Variants in CMTM4 observed in about 807,000 individuals in gnomAD.
CMTM4 encodes CKLF like MARVEL transmembrane domain containing 4, also known as CKLF-like MARVEL transmembrane domain-containing protein 4.
In CMTM4, 8 loss-of-function variants were observed where a neutral mutation model predicts 19.0. The observed-to-expected ratio is 0.42, with a 90% CI of 0.25 to 0.76. The LOEUF is 0.76. CMTM4 is among the 30% of genes least tolerant of loss of function. The probability of loss-of-function intolerance (pLI) is 0.27; values close to 1 mark genes in which losing one functional copy is unlikely to be tolerated. For missense variants in CMTM4, 228 were observed against 290.2 expected (o/e 0.79, Z 1.56); for synonymous variants, 106 against 121.1 (o/e 0.88, Z 0.82).
intron 2 of CMTM4, among the ~76,000 whole-genome samples, chr16:66,625,390 C>G (rs1368467655): frequency 2.0e-5 from 3 of 150,444 alleles, no homozygotes; most frequent in Non-Finnish European, 1.5e-5. Flanking sequence ...GCCAAGACTG[C>G]GCCGCTGCAC....
In CMTM4 at chr16:66,620,552, A is replaced by C; in HGVS notation, c.*1506T>G. 1.0e-6 allele frequency: 1 copy of C among 985,536 alleles called. No individual in the cohort carries two copies. The highest frequency in any genetic ancestry group is 1.2e-6 in the Non-Finnish European group (1 of 830,022). The allele number at this position is 985,536 out of a possible 1,614,324, so 61.0% of individuals were successfully genotyped here. On this transcript the variant is annotated 3_prime_UTR_variant, in exon 4 of 4. Coordinates refer to ENST00000394106, the MANE Select transcript of CMTM4 (RefSeq NM_181521.3). ...CTGGGGAATGAGACGCCACATGTCC[A>C]TAAGGTGACGCTTTCTTGCACAGAC...
At chr16:66,647,072 T>C (rs1219618287) in intron 1 of CMTM4, among the ~76,000 whole-genome samples, 31 of 149,150 alleles carry the variant, frequency 2.1e-4, no homozygotes, top group Admixed American at 2.0e-3. Context: ...TCCCAACACT[T>C]TGGGAGGCCG....
Position 66,621,037 on chromosome 16 carries a change from T to C in CMTM4, c.*1021A>G. The stretch of plus-strand genomic sequence containing the variant: ...TCTGAAACATGGGTGGAAGGGTGTG[T>C]TCTGGTGCAAATTCAAGTATTTTCA... On this transcript the variant is annotated 3_prime_UTR_variant, in exon 4 of 4. Transcript: ENST00000394106. 1 of 985,906 alleles carries C rather than the reference T, an allele frequency of 1.0e-6. No individual in the cohort carries two copies. 61.1% of individuals were successfully genotyped at this position (985,906 alleles called of 1,614,324 possible).
intron 1 of CMTM4, among the ~76,000 whole-genome samples, chr16:66,655,360 A>T (rs1028447959): frequency 6.6e-6 from 1 of 152,118 alleles, no homozygotes; most frequent in African/African-American, 2.4e-5. Flanking sequence ...AAGTACCCAG[A>T]TTGAGGTCTC....
chr16:66,689,481 G>A (rs553699063), intron 1 of CMTM4, among the ~76,000 whole-genome samples: 4 of 152,162 alleles, frequency 2.6e-5, no homozygotes, highest in African/African-American at 9.6e-5. Flanking sequence ...GCACGATCGC[G>A]GCTCACCGCA....
chr16:66,600,878 TAAG>T, the CMTM4 span, among the ~76,000 whole-genome samples: 2 of 151,932 alleles, frequency 1.3e-5, no homozygotes, highest in Admixed American at 6.6e-5. Flanking sequence ...CACTGAAGAA[TAAG>T]GAGGAGTTAA....
rs757018322 is a variant in CMTM4, at chr16:66,622,594, C to G, written c.463-372G>C. Among the ~76,000 whole-genome samples the G allele has an allele frequency of 6.6e-6, 1 of 152,208 alleles. No individual in the cohort carries two copies. The highest frequency in any genetic ancestry group is 2.4e-5 in the African/African-American group (1 of 41,442). ...AAAAAAATAAATCACAAAAGTACCT[C>G]TTTTACTGCAACTTCAGGGCCTCTG... On this transcript the variant is annotated intron_variant, in intron 3 of 3. Coordinates refer to ENST00000394106, the MANE Select transcript of CMTM4 (RefSeq NM_181521.3). The surrounding 1 kb of genome is among the most constrained non-coding windows in gnomAD (Gnocchi z 4.0).
At chr16:66,607,464 A>C in the CMTM4 span, among the ~76,000 whole-genome samples, 1 of 152,158 alleles carries the variant, frequency 6.6e-6, no homozygotes, top group Non-Finnish European at 1.5e-5. Flanking sequence ...ACTCCAAAAG[A>C]TTTTTTTGCT....
chr16:66,633,081 G>C (rs926974206), intron 2 of CMTM4, among the ~76,000 whole-genome samples: 1 of 115,238 alleles, frequency 8.7e-6, no homozygotes, highest in Non-Finnish European at 1.6e-5. Context: ...GCGAAACTCC[G>C]TTTCAAAATA....
intron 1 of CMTM4, among the ~76,000 whole-genome samples, chr16:66,661,657 C>A (rs747567727): frequency 3.9e-5 from 6 of 152,132 alleles, no homozygotes; most frequent in African/African-American, 1.4e-4. Flanking sequence ...AGGCCGGGCA[C>A]GGTGGCTCAC....
intron 1 of CMTM4, among the ~76,000 whole-genome samples, chr16:66,655,031 T>C (rs979000198): frequency 6.6e-6 from 1 of 152,196 alleles, no homozygotes; most frequent in Non-Finnish European, 1.5e-5. Context: ...AGTCTCACTC[T>C]GTCACCCAGG....
intron 1 of CMTM4, among the ~76,000 whole-genome samples, chr16:66,638,718 A>C (rs1266420349): frequency 6.6e-6 from 1 of 151,866 alleles, no homozygotes; most frequent in Non-Finnish European, 1.5e-5. Context: ...AATTAGATGG[A>C]CATGGTGGTG....
rs34660969 is a variant in CMTM4, at chr16:66,620,102, CT to C, written c.*1955del. ...TTTTCAATCTCACTTCAAAGATGGC[CT>C]TTTTTGGGGGCCAAGTAACATGATT... On this transcript the variant is annotated 3_prime_UTR_variant, in exon 4 of 4. Transcript: ENST00000394106. 11 of 985,270 alleles carry C rather than the reference CT, an allele frequency of 1.1e-5. No homozygotes were observed. In the African/African-American group the frequency reaches 1.9e-4, roughly 17 times the overall value. 61.0% of individuals were successfully genotyped at this position (985,270 alleles called of 1,614,324 possible). A position where few individuals can be genotyped will look rare whatever the true frequency, so the allele number is the denominator to read the frequency against.
chr16:66,653,725 G>T (rs2144845538), intron 1 of CMTM4, among the ~76,000 whole-genome samples: 1 of 152,202 alleles, frequency 6.6e-6, no homozygotes, highest in South Asian at 2.1e-4. Flanking sequence ...TAGAAACATG[G>T]TTGGTTGGGT....
chr16:66,676,660 C>T (rs953494893), intron 1 of CMTM4, among the ~76,000 whole-genome samples: 6 of 152,200 alleles, frequency 3.9e-5, no homozygotes, highest in Admixed American at 1.3e-4. Context: ...CATGTATTCA[C>T]CTTCAACATG....
chr16:66,637,767 G>A (rs931150484), intron 1 of CMTM4, among the ~76,000 whole-genome samples: 9 of 152,274 alleles, frequency 5.9e-5, no homozygotes, highest in Admixed American at 3.3e-4. Flanking sequence ...TCAGGCTCCC[G>A]CTCCGCCCAG....
rs753182787 is a variant in CMTM4 at position 66,696,326 on chromosome 16, C to A, written c.186+14G>T. On this transcript the variant is annotated intron_variant, in intron 1 of 3. Coordinates refer to ENST00000394106, the MANE Select transcript of CMTM4 (RefSeq NM_181521.3). This position sits in a 1 kb window ranked among gnomAD's most constrained non-coding sequence, Gnocchi z 4.3. ...GGCCGCCCTCGGGCACCTGGGGCCC[C>A]GCCCGGCACCTACCACTTGGGCGAC... is the stretch of plus-strand genomic sequence containing the variant. 7.5e-7 allele frequency: 1 copy of A among 1,339,948 alleles called. No individual in the cohort carries two copies. Among genetic ancestry groups the A allele is most frequent in the Non-Finnish European group, 9.5e-7 (1 of 1,048,094 alleles). The allele number at this position is 1,339,948 out of a possible 1,614,324, so 83.0% of individuals were successfully genotyped here.
rs546852405 is a variant in CMTM4, at chr16:66,620,897, C to T, written c.*1161G>A. Reference sequence around the variant, plus strand: ...CATTCACCACACACAATAATCTTCACTTTATCAAGAATCAATCAGAAACCT... The same window carrying T: ...CATTCACCACACACAATAATCTTCATTTTATCAAGAATCAATCAGAAACCT... On this transcript the variant is annotated 3_prime_UTR_variant, in exon 4 of 4. Coordinates refer to ENST00000394106, the MANE Select transcript of CMTM4 (RefSeq NM_181521.3). The T allele has an allele frequency of 2.3e-3, 2,282 of 985,782 alleles. 4 individuals are homozygous for T. The highest frequency in any genetic ancestry group is 2.6e-3 in the Non-Finnish European group (2,130 of 829,936). 61.1% of individuals were successfully genotyped at this position (985,782 alleles called of 1,614,324 possible).
intron 2 of CMTM4, among the ~76,000 whole-genome samples, chr16:66,631,486 A>T (rs112362106): frequency 0.044 from 6,626 of 152,284 alleles, 265 homozygotes; most frequent in East Asian, 0.16. Flanking sequence ...TGTGGAATAG[A>T]AAAGGGGGAA....
Sources: allele counts gnomAD v4.1 joint callset (sites outside exome capture counted in the v4.1 genomes callset), GRCh38; gene constraint gnomAD v4.1.1; non-coding constraint Gnocchi (gnomAD v3.1); transcripts MANE v1.5; gene names NCBI Gene and HGNC (gene_info 2026-07-23, HGNC 2026-07-21).